The following UBLCP1 variants were observed in gnomAD, a reference collection of about 807,000 sequenced individuals.
UBLCP1 encodes the protein ubiquitin like domain containing CTD phosphatase 1.
Under a neutral mutation model 42.4 loss-of-function variants are expected in UBLCP1, and 28 were observed. The ratio of observed to expected loss-of-function variants is 0.66; its 90% CI spans 0.49 to 0.90. The LOEUF is 0.90. Among genes scored for constraint, UBLCP1 ranks in the 40% least tolerant of loss-of-function variants. The pLI, the probability that UBLCP1 is intolerant of heterozygous loss-of-function variation, is 0.00. For synonymous variants in UBLCP1, 122 were observed against 120.8 expected, an observed-to-expected ratio of 1.01 and a Z score of -0.07; for missense variants, 279 against 374.5, an observed-to-expected ratio of 0.75 and a Z score of 2.10.
In UBLCP1 at chr5:159,280,413, A is replaced by G. The variant is rs192888289; in HGVS notation, c.801+2059A>G. On this transcript the variant is annotated intron_variant, in intron 9 of 10. Coordinates refer to ENST00000296786, the MANE Select transcript of UBLCP1 (RefSeq NM_145049.5). ...GACTTCCCTTGCTCCAGTGATCCTC[A>G]CATGTCAGCCTCCCAAGTAACTGGG... Among the ~76,000 whole-genome samples, 55 of 152,208 alleles carry G rather than the reference A, an allele frequency of 3.6e-4. 1 individual carries two copies. In the East Asian group the frequency reaches 9.5e-3, roughly 26 times the overall value.
intron 8 of UBLCP1, among the ~76,000 whole-genome samples, chr5:159,277,316 CAAATT>C (rs535051081): frequency 9.2e-5 from 14 of 152,008 alleles, no homozygotes; most frequent in Admixed American, 4.6e-4. Flanking sequence ...AAGCTTTCTC[CAAATT>C]AAATTATAGG....
chr5:159,274,515 CTTAT>C (rs1167210360), intron 6 of UBLCP1, 66 bp from the exon 7 acceptor site: 1 of 1,395,924 alleles, frequency 7.2e-7, no homozygotes, highest in African/African-American at 1.4e-5. Context: ...AGAAAACTTA[CTTAT>C]ACAGATTTTT....
intron 9 of UBLCP1, among the ~76,000 whole-genome samples, chr5:159,281,780 G>A (rs866546698): frequency 2.2e-4 from 34 of 151,490 alleles, no homozygotes; most frequent in African/African-American, 8.0e-4. Flanking sequence ...CTCACTCATT[G>A]TTCTTGCTTC....
intron 7 of UBLCP1, 104 bp downstream of exon 7, chr5:159,274,726 G>A (rs1451369575): frequency 1.0e-6 from 1 of 976,640 alleles, no homozygotes; most frequent in African/African-American, 1.6e-5. Flanking sequence ...AGGGCACTTA[G>A]TAGATAGATA....
At chr5:159,283,619 T>C (rs1379769652) in intron 10 of UBLCP1, among the ~76,000 whole-genome samples, 1 of 152,082 alleles carries the variant, frequency 6.6e-6, no homozygotes, top group Non-Finnish European at 1.5e-5. Flanking sequence ...GCCTGTAAAT[T>C]ATTTTGTGAT....
intron 1 of UBLCP1, among the ~76,000 whole-genome samples, chr5:159,263,603 A>G (rs767659303): frequency 2.0e-5 from 3 of 152,128 alleles, no homozygotes; most frequent in Non-Finnish European, 4.4e-5. Context: ...TGCGTCCCCA[A>G]ACTTCATTCC....
At chr5:159,275,292 C>A in intron 8 of UBLCP1, 46 bp downstream of exon 8, 1 of 1,488,794 alleles carries the variant, frequency 6.7e-7, no homozygotes, top group Non-Finnish European at 9.3e-7. Context: ...TGGTTATTTT[C>A]CAGTGTACTT....
intron 2 of UBLCP1, among the ~76,000 whole-genome samples, chr5:159,269,274 C>T (rs1753435941): frequency 6.6e-6 from 1 of 152,070 alleles, no homozygotes; most frequent in African/African-American, 2.4e-5. Context: ...CTCGAAAATA[C>T]CATGATTATT....
At position 159,283,078 on chromosome 5, in the gene UBLCP1, T is replaced by A. The variant is rs552323065; in HGVS notation, c.802-134T>A. ...ATACATGACTTTCTATTTAGGCTAA[T>A]ATAAAAGTAATTTTTAGTATTTATG... On this transcript the variant is annotated intron_variant, in intron 9 of 10. Transcript: ENST00000296786. 528 of 870,480 alleles carry A rather than the reference T, an allele frequency of 6.1e-4. 1 individual carries two copies. The African/African-American group carries it at 8.5e-3, about 14-fold the overall frequency. 53.9% of individuals were successfully genotyped at this position (870,480 alleles called of 1,614,324 possible). A position where few individuals can be genotyped will look rare whatever the true frequency, so the allele number is the denominator to read the frequency against.
At chr5:159,276,575 A>G (rs902232022) in intron 8 of UBLCP1, among the ~76,000 whole-genome samples, 3 of 152,212 alleles carry the variant, frequency 2.0e-5, no homozygotes, top group Non-Finnish European at 4.4e-5. Context: ...AATAAAAATA[A>G]TCCTCAATAT....
intron 10 of UBLCP1, among the ~76,000 whole-genome samples, chr5:159,284,344 C>T (rs1753644713): frequency 6.6e-6 from 1 of 152,124 alleles, no homozygotes; most frequent in South Asian, 2.1e-4. Flanking sequence ...AAATAGAGAT[C>T]AAGTTTTTAA....
At chr5:159,271,499 GA>G (rs1370716957) in intron 5 of UBLCP1, among the ~76,000 whole-genome samples, 2 of 152,078 alleles carry the variant, frequency 1.3e-5, no homozygotes, top group Admixed American at 1.3e-4. Context: ...CATTGAAAAA[GA>G]AAGATGTTCC....
chr5:159,273,328 ATT>A (rs1753494700), intron 6 of UBLCP1, among the ~76,000 whole-genome samples: 1 of 152,184 alleles, frequency 6.6e-6, no homozygotes, highest in Admixed American at 6.5e-5. Flanking sequence ...ACAATAGTAT[ATT>A]TAAATTATTT....
intron 5 of UBLCP1, 35 bp from the exon 6 acceptor site, chr5:159,271,988 A>T: frequency 6.8e-7 from 1 of 1,468,194 alleles, no homozygotes; most frequent in Non-Finnish European, 9.5e-7. Context: ...TCATGATGGT[A>T]AACTAATAAT....
chr5:159,263,494 C>T (rs1021500388), intron 1 of UBLCP1, 134 bp downstream of exon 1: 2 of 152,394 alleles, frequency 1.3e-5, no homozygotes, highest in Non-Finnish European at 2.9e-5. Context: ...TAGTCTGACG[C>T]CCAGGCCCCT....
At chr5:159,263,616 C>G (rs1264910222) in intron 1 of UBLCP1, among the ~76,000 whole-genome samples, 1 of 152,196 alleles carries the variant, frequency 6.6e-6, no homozygotes, top group African/African-American at 2.4e-5. Context: ...TTCATTCCTC[C>G]GTCTTCTCAG....
At chr5:159,273,142 TCA>T (rs1445504119) in intron 6 of UBLCP1, among the ~76,000 whole-genome samples, 1 of 152,226 alleles carries the variant, frequency 6.6e-6, no homozygotes, top group African/African-American at 2.4e-5. Flanking sequence ...CCATGTGAGT[TCA>T]CAGCTGTTAA....
In UBLCP1 at chr5:159,283,193, A is replaced by G. The variant is rs1156914005; in HGVS notation, c.802-19A>G. 6.3e-7 allele frequency: 1 copy of G among 1,596,680 alleles called. No individual in the cohort carries two copies. Among genetic ancestry groups the G allele is most frequent in the East Asian group, 2.2e-5 (1 of 44,456 alleles). Reference sequence around the variant, plus strand: ...CTTATCACATTGTGATGTGTTGAGTAATGTTTGTTTCCTAATAGATAAGGC... The same window carrying G: ...CTTATCACATTGTGATGTGTTGAGTGATGTTTGTTTCCTAATAGATAAGGC... On this transcript the variant is annotated intron_variant, in intron 9 of 10. Coordinates refer to ENST00000296786, the MANE Select transcript of UBLCP1 (RefSeq NM_145049.5).
chr5:159,272,685 G>T (rs1753485129), intron 6 of UBLCP1, among the ~76,000 whole-genome samples: 1 of 152,122 alleles, frequency 6.6e-6, no homozygotes, highest in Non-Finnish European at 1.5e-5. Context: ...TAGTTCTCTG[G>T]AAATAAAGGC....
Sources: gnomAD v4.1 joint callset for allele counts (sites outside exome capture counted in the v4.1 genomes callset) on GRCh38, gnomAD v4.1.1 for gene constraint, MANE v1.5 for transcripts, NCBI Gene and HGNC (gene_info 2026-07-23, HGNC 2026-07-21) for gene names.